Variants in CCDC126 observed in about 807,000 individuals in gnomAD.
The protein encoded by CCDC126 is coiled-coil domain containing 126.
A neutral mutation model predicts 11.7 loss-of-function variants in CCDC126; 5 were observed. That is an observed-to-expected ratio of 0.43 (90% CI 0.22 to 0.90). The LOEUF is 0.90. Among genes scored for constraint, CCDC126 ranks in the 40% least tolerant of loss-of-function variants. The probability of loss-of-function intolerance (pLI) is 0.27; values close to 1 mark genes in which losing one functional copy is unlikely to be tolerated. For synonymous variants in CCDC126, 60 were observed against 61.9 expected (o/e 0.97, Z 0.14); for missense variants, 150 against 163.1 (o/e 0.92, Z 0.44).
intron 2 of CCDC126, among the ~76,000 whole-genome samples, chr7:23,606,722 A>T (rs760916995): frequency 6.6e-6 from 1 of 152,214 alleles, no homozygotes; most frequent in Non-Finnish European, 1.5e-5. Context: ...AATCTTAAAA[A>T]TATTCAAGGT....
At chr7:23,616,016 C>G (rs917550915) in intron 3 of CCDC126, among the ~76,000 whole-genome samples, 1 of 152,306 alleles carries the variant, frequency 6.6e-6, no homozygotes, top group Non-Finnish European at 1.5e-5. Flanking sequence ...TGCAAACATT[C>G]AATTGTAAAA....
intron 3 of CCDC126, among the ~76,000 whole-genome samples, chr7:23,616,579 A>G (rs1006616664): frequency 2.0e-5 from 3 of 152,222 alleles, no homozygotes; most frequent in Non-Finnish European, 2.9e-5. Context: ...TGAGATGGAA[A>G]TAATTTTCCT....
Position 23,611,255 on chromosome 7 carries a change from A to T in CCDC126, c.-61A>T. The T allele has an allele frequency of 4.1e-6, 4 of 982,862 alleles. No individual in the cohort carries two copies. The highest frequency in any genetic ancestry group is 2.0e-5 in the Admixed American group (1 of 51,004). 60.9% of individuals were successfully genotyped at this position (982,862 alleles called of 1,614,324 possible). On this transcript the variant is annotated 5_prime_UTR_variant, in exon 3 of 4. Coordinates refer to ENST00000307471, the MANE Select transcript of CCDC126 (RefSeq NM_138771.4). The stretch of plus-strand genomic sequence containing the variant: ...TTTTTCTTTTTTTTTTCAAGTCTTG[A>T]TTTGTGGCTTACCTCAAGTTACCAT...
intron 2 of CCDC126, among the ~76,000 whole-genome samples, chr7:23,602,947 A>G (rs1350326797): frequency 1.3e-5 from 2 of 152,204 alleles, no homozygotes; most frequent in Non-Finnish European, 2.9e-5. Flanking sequence ...TTCCTGGCAC[A>G]TGGTAGGTAC....
At chr7:23,620,607 C>A (rs1782875540) in intron 3 of CCDC126, among the ~76,000 whole-genome samples, 1 of 151,586 alleles carries the variant, frequency 6.6e-6, no homozygotes, top group Non-Finnish European at 1.5e-5. Context: ...TCAATTTTGG[C>A]TTTTGTTGCC....
At chr7:23,630,065 A>C (rs543008742) in intron 3 of CCDC126, among the ~76,000 whole-genome samples, 52 of 152,386 alleles carry the variant, frequency 3.4e-4, no homozygotes, top group African/African-American at 1.2e-3. Context: ...AAAAGGAAAG[A>C]GACCAGCCTT....
intron 3 of CCDC126, among the ~76,000 whole-genome samples, chr7:23,618,865 A>T (rs906388630): frequency 4.0e-5 from 6 of 151,882 alleles, no homozygotes; most frequent in South Asian, 2.1e-4. Flanking sequence ...TAAATTTTTT[A>T]TTACACAGTA....
chr7:23,602,377 A>G (rs191541947), intron 2 of CCDC126, among the ~76,000 whole-genome samples: 1 of 152,156 alleles, frequency 6.6e-6, no homozygotes. Flanking sequence ...TGCCCCTTTC[A>G]GATTAGAGAA....
At chr7:23,640,574 C>T (rs184790464) in intron 3 of CCDC126, among the ~76,000 whole-genome samples, 1 of 152,264 alleles carries the variant, frequency 6.6e-6, no homozygotes, top group Admixed American at 6.5e-5. Context: ...GCCATCACTA[C>T]TGTATCTTTC....
At chr7:23,623,249 A>T (rs1432229705) in intron 3 of CCDC126, among the ~76,000 whole-genome samples, 7 of 151,664 alleles carry the variant, frequency 4.6e-5, no homozygotes, top group Non-Finnish European at 1.0e-4. Flanking sequence ...GGCATGAGCC[A>T]CTGTGCCTGG....
intron 3 of CCDC126, among the ~76,000 whole-genome samples, chr7:23,628,946 T>A (rs1783059657): frequency 6.6e-6 from 1 of 152,112 alleles, no homozygotes; most frequent in East Asian, 1.9e-4. Flanking sequence ...GCACTTGGAC[T>A]TCTGCCTCTG....
chr7:23,626,571 TG>T lies in CCDC126; in HGVS notation c.238+15024del, dbSNP rs948348903. On this transcript the variant is annotated intron_variant, in intron 3 of 3. Coordinates refer to ENST00000307471, the MANE Select transcript of CCDC126 (RefSeq NM_138771.4). The stretch of plus-strand genomic sequence containing the variant: ...TTGTTATATAGATAAACACGTGTCT[TG>T]GGGGGTTCATTGTACATATTATTAT... Among the ~76,000 whole-genome samples, 27 of 152,218 alleles carry T rather than the reference TG, an allele frequency of 1.8e-4. 2 individuals carry two copies. The highest frequency in any genetic ancestry group is 4.6e-4 in the African/African-American group (19 of 41,536).
chr7:23,642,925 C>T lies in CCDC126; in HGVS notation c.239-6C>T. 1.2e-6 allele frequency: 2 copies of T among 1,611,866 alleles called. No individual in the cohort carries two copies. The highest frequency in any genetic ancestry group is 1.7e-6 in the Non-Finnish European group (2 of 1,178,346). On this transcript the variant is annotated splice_polypyrimidine_tract_variant and splice_region_variant and intron_variant, in intron 3 of 3. Transcript: ENST00000307471. ...ATGTTAATTTTATTCTGATTTATTCCCCTAGCGGATCTGAAAAGAACAATT... is the reference window on the plus strand; with the variant it reads ...ATGTTAATTTTATTCTGATTTATTCTCCTAGCGGATCTGAAAAGAACAATT...
chr7:23,639,369 A>G (rs1043735539), intron 3 of CCDC126, among the ~76,000 whole-genome samples: 5 of 151,782 alleles, frequency 3.3e-5, no homozygotes, highest in Admixed American at 1.3e-4. Flanking sequence ...ATTTTTTTGT[A>G]TTTTTAGTGG....
chr7:23,605,982 G>T (rs1177332784), intron 2 of CCDC126, among the ~76,000 whole-genome samples: 1 of 149,858 alleles, frequency 6.7e-6, no homozygotes, highest in African/African-American at 2.5e-5. Context: ...CTTGTTTTCT[G>T]TTTTTTTTTG....
chr7:23,619,431 A>G (rs1324854399), intron 3 of CCDC126: 2 of 419,210 alleles, frequency 4.8e-6, no homozygotes, highest in South Asian at 1.9e-5. Context: ...TAAAACCTAC[A>G]AAGAAAGAAG....
chr7:23,598,126 C>CG (rs1782461412), intron 2 of CCDC126, 75 bp downstream of exon 2: 1 of 152,210 alleles, frequency 6.6e-6, no homozygotes, highest in African/African-American at 2.4e-5. Flanking sequence ...AGCTAGGGTT[C>CG]GAATCCTGCC....
At chr7:23,615,721 C>G (rs1278634436) in intron 3 of CCDC126, among the ~76,000 whole-genome samples, 4 of 152,054 alleles carry the variant, frequency 2.6e-5, no homozygotes, top group Non-Finnish European at 4.4e-5. Flanking sequence ...AATAGGGAGG[C>G]CTGAAGAGAG....
intron 3 of CCDC126, among the ~76,000 whole-genome samples, chr7:23,641,184 C>G (rs1205427699): frequency 1.3e-5 from 2 of 152,012 alleles, no homozygotes; most frequent in African/African-American, 4.8e-5. Context: ...TTTTCCATTT[C>G]TTTGATGATA....
Sources: allele counts gnomAD v4.1 joint callset (sites outside exome capture counted in the v4.1 genomes callset), GRCh38; gene constraint gnomAD v4.1.1; transcripts MANE v1.5; gene names NCBI Gene and HGNC (gene_info 2026-07-23, HGNC 2026-07-21).